Variants in GPC5 observed in about 807,000 individuals in gnomAD.
GPC5 encodes the protein glypican 5.
Under a neutral mutation model 53.9 loss-of-function variants are expected in GPC5, and 47 were observed. The observed-to-expected ratio is 0.87, with a 90% CI of 0.69 to 1.11. The LOEUF is 1.11. GPC5 is among the 50% of genes most tolerant of loss of function. The probability of loss-of-function intolerance (pLI) is 0.00; values close to 1 mark genes in which losing one functional copy is unlikely to be tolerated. For synonymous variants in GPC5, 286 were observed against 263.3 expected (o/e 1.09, Z -0.84); for missense variants, 748 against 713.1 (o/e 1.05, Z -0.56).
At chr13:92,251,912 A>G (rs2042695391) in intron 7 of GPC5, among the ~76,000 whole-genome samples, 1 of 152,216 alleles carries the variant, frequency 6.6e-6, no homozygotes, top group South Asian at 2.1e-4. Flanking sequence ...ATCCAATAAC[A>G]CAGAGCAAGG....
intron 6 of GPC5, among the ~76,000 whole-genome samples, chr13:92,104,652 G>A (rs951964481): frequency 3.3e-5 from 5 of 152,130 alleles, no homozygotes; most frequent in Admixed American, 3.3e-4. Context: ...GATGGGTAGA[G>A]TGCTAAAAGG....
At chr13:92,348,728 T>A (rs2043449586) in intron 7 of GPC5, among the ~76,000 whole-genome samples, 2 of 152,172 alleles carry the variant, frequency 1.3e-5, no homozygotes, top group Admixed American at 1.3e-4. Flanking sequence ...AAGAATCTTC[T>A]CTGACCCACA....
chr13:92,753,601 A>G, intron 7 of GPC5, among the ~76,000 whole-genome samples: 1 of 152,154 alleles, frequency 6.6e-6, no homozygotes, highest in Admixed American at 6.5e-5. Flanking sequence ...AGAAGAATGT[A>G]TAACTAGAAT....
chr13:91,473,361 G>A (rs919204992), intron 2 of GPC5, among the ~76,000 whole-genome samples: 3 of 152,048 alleles, frequency 2.0e-5, no homozygotes, highest in Admixed American at 6.6e-5. Flanking sequence ...CAGTAGACAG[G>A]AGTCAACACA....
At chr13:91,817,371 T>TA (rs1481165811) in intron 5 of GPC5, among the ~76,000 whole-genome samples, 1 of 152,218 alleles carries the variant, frequency 6.6e-6, no homozygotes, top group African/African-American at 2.4e-5. Context: ...TCCTTCCTTA[T>TA]AACATTTATT....
intron 5 of GPC5, among the ~76,000 whole-genome samples, chr13:91,888,490 C>G (rs564229004): frequency 6.6e-6 from 1 of 152,138 alleles, no homozygotes; most frequent in Admixed American, 6.5e-5. Flanking sequence ...AAGGTTGATA[C>G]GCACAGCTTC....
chr13:92,778,763 A>G (rs1875911152), intron 7 of GPC5, among the ~76,000 whole-genome samples: 1 of 152,214 alleles, frequency 6.6e-6, no homozygotes, highest in Non-Finnish European at 1.5e-5. Context: ...AGCTATTCAC[A>G]TAAAGTGTAG....
At chr13:92,321,602 AACAT>A (rs34397471) in intron 7 of GPC5, among the ~76,000 whole-genome samples, 3,706 of 150,608 alleles carry the variant, frequency 0.025, 39 homozygotes, top group African/African-American at 0.03. Flanking sequence ...CTCCATCTCA[AACAT>A]ACATACATAC....
chr13:91,959,590 A>G (rs1037953640), intron 6 of GPC5, among the ~76,000 whole-genome samples: 6 of 152,060 alleles, frequency 3.9e-5, no homozygotes, highest in African/African-American at 7.2e-5. Flanking sequence ...GGACACAACA[A>G]AAAGAAAAAC....
At chr13:92,287,822 G>C (rs971750909) in intron 7 of GPC5, among the ~76,000 whole-genome samples, 3 of 152,086 alleles carry the variant, frequency 2.0e-5, no homozygotes, top group Non-Finnish European at 4.4e-5. Flanking sequence ...TTGGAAACTT[G>C]TTAGCCTGTA....
At chr13:91,946,353 G>T (rs2039974390) in intron 6 of GPC5, among the ~76,000 whole-genome samples, 1 of 151,938 alleles carries the variant, frequency 6.6e-6, no homozygotes, top group Non-Finnish European at 1.5e-5. Flanking sequence ...AATATAAAAA[G>T]GCAATATTTA....
intron 7 of GPC5, among the ~76,000 whole-genome samples, chr13:92,263,576 T>C (rs1045233766): frequency 2.0e-4 from 30 of 152,140 alleles, no homozygotes; most frequent in African/African-American, 7.0e-4. Flanking sequence ...TATAGTATAA[T>C]ATATAGTGGG....
intron 6 of GPC5, among the ~76,000 whole-genome samples, chr13:91,982,836 G>A (rs1324890978): frequency 1.3e-5 from 2 of 152,132 alleles, no homozygotes; most frequent in African/African-American, 4.8e-5. Flanking sequence ...AGAGTTCCTG[G>A]CTTTTCATTT....
intron 7 of GPC5, among the ~76,000 whole-genome samples, chr13:92,353,486 C>T (rs970659029): frequency 5.3e-5 from 8 of 151,934 alleles, no homozygotes; most frequent in Non-Finnish European, 1.2e-4. Context: ...AAGGAAAGGA[C>T]AAGCATGGGA....
At chr13:92,281,817 G>A (rs2042917695) in intron 7 of GPC5, among the ~76,000 whole-genome samples, 1 of 152,170 alleles carries the variant, frequency 6.6e-6, no homozygotes, top group Non-Finnish European at 1.5e-5. Context: ...CAGAAAAGCT[G>A]AAAATTCTAA....
chr13:92,203,381 A>T (rs9523537), intron 7 of GPC5, among the ~76,000 whole-genome samples: 2 of 138,812 alleles, frequency 1.4e-5, no homozygotes, highest in Non-Finnish European at 3.1e-5. Flanking sequence ...GTAAACTATC[A>T]CAAGAACAAA....
chr13:91,786,831 A>G (rs186955), intron 5 of GPC5, among the ~76,000 whole-genome samples: 2,964 of 152,184 alleles, frequency 0.019, 89 homozygotes, highest in African/African-American at 0.066. Context: ...CTTTCAATCT[A>G]TAAATGTTTC....
chr13:92,307,403 G>A (rs942339136), intron 7 of GPC5, among the ~76,000 whole-genome samples: 11 of 152,124 alleles, frequency 7.2e-5, no homozygotes, highest in Non-Finnish European at 1.5e-4. Flanking sequence ...GCAGTGAGCC[G>A]AGATCGTGCC....
At chr13:91,448,734 C>T (rs1424245070) in intron 1 of GPC5, 27 bp from the exon 2 acceptor site, 2 of 1,606,150 alleles carry the variant, frequency 1.2e-6, no homozygotes, top group South Asian at 2.2e-5. Flanking sequence ...AACAGGTAAT[C>T]ATTCTGAAAA....
Sources: gnomAD v4.1 joint callset for allele counts (sites outside exome capture counted in the v4.1 genomes callset) on GRCh38, gnomAD v4.1.1 for gene constraint, MANE v1.5 for transcripts, NCBI Gene and HGNC (gene_info 2026-07-23, HGNC 2026-07-21) for gene names.